The following PLCL2 variants were observed in gnomAD, a reference collection of about 807,000 sequenced individuals.
PLCL2 encodes inactive phospholipase C-like protein 2.
PLCL2 carries 4 observed loss-of-function variants against 79.6 expected under a neutral mutation model. The observed-to-expected ratio is 0.05, with a 90% CI of 0.02 to 0.11. PLCL2 has a LOEUF of 0.11. Among genes scored for constraint, PLCL2 ranks in the 10% least tolerant of loss-of-function variants. The probability of loss-of-function intolerance (pLI) is 1.00; values close to 1 mark genes in which losing one functional copy is unlikely to be tolerated. For missense variants in PLCL2, 895 were observed against 1,291.0 expected, an observed-to-expected ratio of 0.69 and a Z score of 4.70; for synonymous variants, 484 against 457.7, an observed-to-expected ratio of 1.06 and a Z score of -0.73.
intron 1 of PLCL2, among the ~76,000 whole-genome samples, chr3:16,892,921 A>C (rs1696384846): frequency 6.6e-6 from 1 of 152,172 alleles, no homozygotes; most frequent in African/African-American, 2.4e-5. Flanking sequence ...GAACTGCTCC[A>C]TCACCCTCTC....
At chr3:16,992,337 A>G (rs1365449713) in intron 1 of PLCL2, among the ~76,000 whole-genome samples, 1 of 152,128 alleles carries the variant, frequency 6.6e-6, no homozygotes, top group African/African-American at 2.4e-5. Context: ...TTCAGCTCTG[A>G]GAACTCACAT....
At chr3:16,933,822 C>T (rs915935242) in intron 1 of PLCL2, among the ~76,000 whole-genome samples, 1 of 151,994 alleles carries the variant, frequency 6.6e-6, no homozygotes, top group Non-Finnish European at 1.5e-5. Context: ...AATCCCAGCT[C>T]TCTTGGAGGC....
In PLCL2 at chr3:16,957,710, C is replaced by T. The variant is rs542249913; in HGVS notation, c.328-51964C>T. ...AGGACTTGCTTTATGAATCTGGGTG[C>T]TCCTGTATTGGGGGCATATATATTT... is the stretch of plus-strand genomic sequence containing the variant. On this transcript the variant is annotated intron_variant, in intron 1 of 5. Transcript: ENST00000615277. Among the ~76,000 whole-genome samples the T allele has an allele frequency of 1.3e-3, 203 of 152,274 alleles. 1 individual carries two copies. The highest frequency in any genetic ancestry group is 2.0e-3 in the Non-Finnish European group (135 of 68,032).
intron 1 of PLCL2, among the ~76,000 whole-genome samples, chr3:16,890,622 C>G (rs1407481971): frequency 6.6e-6 from 1 of 152,218 alleles, no homozygotes; most frequent in East Asian, 1.9e-4. Flanking sequence ...CAGTTATTTA[C>G]TTATCTACCA....
chr3:17,042,841 G>A (rs1308785501), intron 3 of PLCL2, 33 bp from the exon 4 acceptor site: 1 of 1,479,620 alleles, frequency 6.8e-7, no homozygotes, highest in Non-Finnish European at 9.5e-7. Context: ...TAGTTGTCAG[G>A]TGTAATCTCA....
At chr3:17,005,979 A>G (rs1448781834) in intron 1 of PLCL2, among the ~76,000 whole-genome samples, 5 of 152,178 alleles carry the variant, frequency 3.3e-5, no homozygotes, top group Non-Finnish European at 5.9e-5. Flanking sequence ...CTATTTTTTA[A>G]AAGTATTTTG....
intron 4 of PLCL2, 152 bp downstream of exon 4, chr3:17,043,101 T>G: frequency 1.7e-6 from 1 of 596,988 alleles, no homozygotes; most frequent in Non-Finnish European, 3.0e-6. Context: ...TCAGTGGTTC[T>G]CAGCCTTGGG....
At chr3:17,022,485 C>A (rs540322031) in intron 3 of PLCL2, among the ~76,000 whole-genome samples, 2 of 151,718 alleles carry the variant, frequency 1.3e-5, no homozygotes, top group African/African-American at 4.8e-5. Context: ...TGTCAAGGAC[C>A]CTTACAGGAA....
rs574799093 is a variant in PLCL2 at position 16,955,617 on chromosome 3, G to A, written c.328-54057G>A. Among the ~76,000 whole-genome samples the A allele has an allele frequency of 9.9e-3, 1,511 of 152,242 alleles. 29 individuals are homozygous for A. The highest frequency in any genetic ancestry group is 0.035 in the African/African-American group (1,440 of 41,532). ...GCATTGAATCTATAAATTACCTTGGGCAGTATGGCCATTTTCACCATATTG... is the reference window on the plus strand; with the variant it reads ...GCATTGAATCTATAAATTACCTTGGACAGTATGGCCATTTTCACCATATTG... On this transcript the variant is annotated intron_variant, in intron 1 of 5. Transcript: ENST00000615277.
chr3:16,983,371 A>T (rs1281381079), intron 1 of PLCL2, among the ~76,000 whole-genome samples: 1 of 152,230 alleles, frequency 6.6e-6, no homozygotes, highest in African/African-American at 2.4e-5. Context: ...TGTCTTTAGA[A>T]CTCTGCTTGA....
rs1696257471 is a variant in PLCL2, at chr3:16,887,749, C to G, written c.327+2383C>G. Among the ~76,000 whole-genome samples, 2 of 151,610 alleles carry G rather than the reference C, an allele frequency of 1.3e-5. No individual in the cohort carries two copies. Among genetic ancestry groups the G allele is most frequent in the African/African-American group, 2.4e-5 (1 of 41,188 alleles). On this transcript the variant is annotated intron_variant, in intron 1 of 5. Coordinates refer to ENST00000615277, the MANE Select transcript of PLCL2 (RefSeq NM_001144382.2). The surrounding 1 kb of genome is among the most constrained non-coding windows in gnomAD (Gnocchi z 4.1). ...ATTTCATAAAGCAACAAATACTGCA[C>G]AGATAGTTTTGTCATGTGAATGGCA...
chr3:17,007,373 ACTAATTTCATG>A (rs1476158263), intron 1 of PLCL2, among the ~76,000 whole-genome samples: 3 of 152,236 alleles, frequency 2.0e-5, no homozygotes, highest in African/African-American at 2.4e-5. Flanking sequence ...TGATTACAAA[ACTAATTTCATG>A]CTAACTCACT....
At chr3:16,986,954 A>G (rs2064056130) in intron 1 of PLCL2, among the ~76,000 whole-genome samples, 1 of 152,006 alleles carries the variant, frequency 6.6e-6, no homozygotes, top group Non-Finnish European at 1.5e-5. Context: ...CTTTATAAAT[A>G]GAGAAGCCAT....
chr3:16,931,661 G>C (rs1369032556), intron 1 of PLCL2, among the ~76,000 whole-genome samples: 1 of 152,146 alleles, frequency 6.6e-6, no homozygotes, highest in African/African-American at 2.4e-5. Context: ...TTCGGTTGCT[G>C]CCATTTATTA....
rs551808381 is a variant in PLCL2 at position 16,946,612 on chromosome 3, G to A, written c.327+61246G>A. 3.9e-5 allele frequency among the ~76,000 whole-genome samples: 6 copies of A among 152,154 alleles called. No homozygotes were observed. In the East Asian group the frequency reaches 5.8e-4, roughly 15 times the overall value. On this transcript the variant is annotated intron_variant, in intron 1 of 5. Transcript: ENST00000615277. ...AATGAATTCAGGGTTGTAAACAACC[G>A]ACCTATGTAGAAACTTTTGGAATGC...
At chr3:16,948,021 T>G (rs1006016655) in intron 1 of PLCL2, among the ~76,000 whole-genome samples, 1 of 152,236 alleles carries the variant, frequency 6.6e-6, no homozygotes, top group African/African-American at 2.4e-5. Flanking sequence ...CAGCAGATAT[T>G]TACATTGAGT....
At chr3:16,889,023 C>T (rs1182330210) in intron 1 of PLCL2, among the ~76,000 whole-genome samples, 1 of 152,202 alleles carries the variant, frequency 6.6e-6, no homozygotes, top group Non-Finnish European at 1.5e-5. Flanking sequence ...TTTCGCTCCC[C>T]TCATCCCCAG....
intron 1 of PLCL2, among the ~76,000 whole-genome samples, chr3:16,946,410 T>C (rs115665710): frequency 0.021 from 3,171 of 152,094 alleles, 54 homozygotes; most frequent in South Asian, 0.042. Context: ...TTAAAAAATA[T>C]TTTTAATTGA....
intron 5 of PLCL2, among the ~76,000 whole-genome samples, chr3:17,085,148 A>T (rs184285067): frequency 1.4e-3 from 215 of 152,044 alleles, no homozygotes; most frequent in African/African-American, 4.9e-3. Flanking sequence ...GAAAAAAAAA[A>T]TTTTGAGACA....
Sources: allele counts gnomAD v4.1 joint callset (sites outside exome capture counted in the v4.1 genomes callset), GRCh38; gene constraint gnomAD v4.1.1; non-coding constraint Gnocchi (gnomAD v3.1); transcripts MANE v1.5; gene names NCBI Gene and HGNC (gene_info 2026-07-23, HGNC 2026-07-21).